Variants in SETBP1 observed in about 807,000 individuals in gnomAD.
The protein encoded by SETBP1 is SET-binding protein.
A neutral mutation model predicts 101.0 loss-of-function variants in SETBP1; 9 were observed. That is an observed-to-expected ratio of 0.09 (90% CI 0.05 to 0.16). The LOEUF (loss-of-function observed/expected upper bound fraction) is 0.16. Among genes scored for constraint, SETBP1 ranks in the 10% least tolerant of loss-of-function variants. The pLI is 1.00. For missense variants in SETBP1, 1,858 were observed against 2,033.8 expected, an observed-to-expected ratio of 0.91 and a Z score of 1.66; for synonymous variants, 818 against 788.5, an observed-to-expected ratio of 1.04 and a Z score of -0.63.
intron 2 of SETBP1, among the ~76,000 whole-genome samples, chr18:44,833,988 G>T (rs2072434619): frequency 6.6e-6 from 1 of 152,198 alleles, no homozygotes; most frequent in Admixed American, 6.5e-5. Flanking sequence ...ACGTAGGTGT[G>T]GGCAGAGTAG....
At chr18:44,836,158 C>T (rs2072491100) in intron 2 of SETBP1, among the ~76,000 whole-genome samples, 1 of 151,518 alleles carries the variant, frequency 6.6e-6, no homozygotes, top group Admixed American at 6.6e-5. Context: ...ACATGCTTTC[C>T]ATATTTCCAA....
At chr18:44,973,015 G>A (rs530998347) in intron 4 of SETBP1, among the ~76,000 whole-genome samples, 1 of 152,238 alleles carries the variant, frequency 6.6e-6, no homozygotes, top group South Asian at 2.1e-4. Flanking sequence ...CTGTGGGTTT[G>A]TCATAGATAG....
intron 4 of SETBP1, among the ~76,000 whole-genome samples, chr18:45,023,310 G>A (rs530351688): frequency 2.6e-5 from 4 of 152,282 alleles, no homozygotes; most frequent in African/African-American, 9.6e-5. Flanking sequence ...TACAATGGAA[G>A]GTAATATGGG....
intron 4 of SETBP1, among the ~76,000 whole-genome samples, chr18:45,019,669 G>T (rs1004891950): frequency 8.6e-5 from 13 of 152,008 alleles, no homozygotes; most frequent in African/African-American, 2.9e-4. Flanking sequence ...TGCACATTCA[G>T]TCAGAATTGG....
chr18:44,741,804 C>A (rs1451714034), intron 2 of SETBP1, among the ~76,000 whole-genome samples: 1 of 152,150 alleles, frequency 6.6e-6, no homozygotes, highest in African/African-American at 2.4e-5. Flanking sequence ...CCTCACCCAC[C>A]CCTGACGCTT....
At chr18:44,942,747 T>C (rs2071115246) in intron 3 of SETBP1, among the ~76,000 whole-genome samples, 1 of 152,218 alleles carries the variant, frequency 6.6e-6, no homozygotes, top group South Asian at 2.1e-4. Flanking sequence ...CTATCATGGC[T>C]GAAATCAAGT....
intron 4 of SETBP1, chr18:44,988,865 G>A (rs1025618983): frequency 6.6e-6 from 1 of 152,104 alleles, no homozygotes. Context: ...GGGGGTCAGG[G>A]GAGCAGGGTC....
chr18:44,693,417 G>C (rs923197437), intron 1 of SETBP1, among the ~76,000 whole-genome samples: 4 of 152,134 alleles, frequency 2.6e-5, no homozygotes, highest in Non-Finnish European at 5.9e-5. Flanking sequence ...TGTTAGGAAA[G>C]ACAAGTTCTG....
chr18:44,927,596 C>T (rs1022119101), intron 3 of SETBP1, among the ~76,000 whole-genome samples: 5 of 152,160 alleles, frequency 3.3e-5, no homozygotes, highest in South Asian at 2.1e-4. Flanking sequence ...AGCTATTTGG[C>T]CCGAAATAAC....
chr18:44,885,379 C>G (rs530205218), intron 3 of SETBP1, among the ~76,000 whole-genome samples: 1 of 152,102 alleles, frequency 6.6e-6, no homozygotes, highest in African/African-American at 2.4e-5. Context: ...GCACATGAAT[C>G]CCAAGAAAGG....
At chr18:44,894,229 A>T (rs1337103692) in intron 3 of SETBP1, among the ~76,000 whole-genome samples, 1 of 152,170 alleles carries the variant, frequency 6.6e-6, no homozygotes. Context: ...AATGCAGGAA[A>T]TGGTACTCTC....
intron 4 of SETBP1, among the ~76,000 whole-genome samples, chr18:44,982,724 T>C (rs1280510777): frequency 6.6e-6 from 1 of 152,258 alleles, no homozygotes; most frequent in Non-Finnish European, 1.5e-5. Flanking sequence ...ATATAATTTC[T>C]GCTGGTTTAT....
chr18:45,063,657 C>G lies in SETBP1; in HGVS notation c.4750C>G (p.Gln1584Glu). 2 of 1,608,638 alleles carry G rather than the reference C, an allele frequency of 1.2e-6. No individual in the cohort carries two copies. The highest frequency in any genetic ancestry group is 1.7e-6 in the Non-Finnish European group (2 of 1,178,062). Residue 1584 changes from glutamine to glutamate, a missense_variant, in exon 6 of 6, where the codon CAG (glutamine) becomes GAG (glutamate). Physicochemically the swap from Gln to Glu is conservative, Grantham distance 29. This residue lies in a region of SETBP1 where 178 missense variants were observed against 189.1 expected (regional missense o/e 0.94). Coordinates refer to ENST00000649279, the MANE Select transcript of SETBP1 (RefSeq NM_015559.3). ...PQEEEVKAKR[Q>E]RKSRGSESEV... is the part of the protein sequence containing the mutation. ...GGAAGAGGAGGTGAAAGCCAAAAGG[C>G]AGAGGAAGTCCCGAGGGAGTGAGAG...
chr18:44,988,256 C>T (rs2072283186), intron 4 of SETBP1: 1 of 152,160 alleles, frequency 6.6e-6, no homozygotes, highest in South Asian at 2.1e-4. Flanking sequence ...AGACACTGTA[C>T]ATTATTATAT....
At chr18:44,918,158 A>T (rs1240595846) in intron 3 of SETBP1, among the ~76,000 whole-genome samples, 1 of 152,176 alleles carries the variant, frequency 6.6e-6, no homozygotes. Flanking sequence ...ACCCCCACAT[A>T]TAGTCTACTT....
chr18:44,912,137 C>T (rs1013273866), intron 3 of SETBP1, among the ~76,000 whole-genome samples: 3 of 151,910 alleles, frequency 2.0e-5, no homozygotes, highest in African/African-American at 7.2e-5. Context: ...TTATAAGAGT[C>T]TTTTTCTAGA....
chr18:45,048,720 C>G (rs1270353794), intron 5 of SETBP1, among the ~76,000 whole-genome samples: 1 of 151,854 alleles, frequency 6.6e-6, no homozygotes, highest in African/African-American at 2.4e-5. Context: ...CGCCTGTAAT[C>G]CCAGCACTTT....
At chr18:44,847,173 T>C (rs537957933) in intron 2 of SETBP1, among the ~76,000 whole-genome samples, 2 of 152,250 alleles carry the variant, frequency 1.3e-5, no homozygotes, top group South Asian at 4.2e-4. Flanking sequence ...GATTAGAACA[T>C]GGTTTAGGGC....
rs539328525 is a variant in SETBP1 at position 44,730,501 on chromosome 18, T to C, written c.486+28669T>C. On this transcript the variant is annotated intron_variant, in intron 2 of 5. Coordinates refer to ENST00000649279, the MANE Select transcript of SETBP1 (RefSeq NM_015559.3). ...GCAGTGAGGAACCTCGCTCTTTTCT[T>C]GACCCTGGACTTTTTCCAGCCTCTT... 2.0e-4 allele frequency among the ~76,000 whole-genome samples: 30 copies of C among 152,382 alleles called. 1 individual carries two copies. Among genetic ancestry groups the C allele is most frequent in the African/African-American group, 7.2e-4 (30 of 41,596 alleles).
Sources: allele counts gnomAD v4.1 joint callset (sites outside exome capture counted in the v4.1 genomes callset), GRCh38; gene constraint gnomAD v4.1.1; regional missense constraint gnomAD v4.1.1; transcripts MANE v1.5; gene names NCBI Gene and HGNC (gene_info 2026-07-23, HGNC 2026-07-21).